The following C12orf56 variants were observed in gnomAD, a reference collection of about 807,000 sequenced individuals.
The protein encoded by C12orf56 is uncharacterized protein C12orf56.
C12orf56 carries 71 observed loss-of-function variants against 69.9 expected under a neutral mutation model. The observed-to-expected ratio is 1.02, with a 90% CI of 0.84 to 1.24. The LOEUF is 1.24. C12orf56 is among the 50% of genes most tolerant of loss of function. C12orf56 has a pLI of 0.00. For missense variants in C12orf56, 732 were observed against 738.5 expected (o/e 0.99, Z 0.10); for synonymous variants, 276 against 274.1 (o/e 1.01, Z -0.07).
intron 3 of C12orf56, among the ~76,000 whole-genome samples, chr12:64,329,094 T>C (rs1565758917): frequency 6.6e-6 from 1 of 152,032 alleles, no homozygotes; most frequent in Admixed American, 6.6e-5. Context: ...CTTTTTCTCC[T>C]TTTTAAATTT....
chr12:64,315,747 C>T (rs915639432), intron 4 of C12orf56, among the ~76,000 whole-genome samples: 3 of 152,140 alleles, frequency 2.0e-5, no homozygotes, highest in African/African-American at 7.2e-5. Flanking sequence ...GCCTGGCCAA[C>T]ATGGCGAAAC....
At chr12:64,301,121 G>A (rs2038439833) in intron 6 of C12orf56, among the ~76,000 whole-genome samples, 1 of 152,098 alleles carries the variant, frequency 6.6e-6, no homozygotes, top group Non-Finnish European at 1.5e-5. Flanking sequence ...CAGCCATGTG[G>A]AACTGTAAGT....
At chr12:64,387,019 A>G (rs1034822535) in intron 1 of C12orf56, among the ~76,000 whole-genome samples, 8 of 136,252 alleles carry the variant, frequency 5.9e-5, no homozygotes, top group Admixed American at 4.3e-4. Context: ...GCAGAGGTTC[A>G]GCAAGCCAAG....
At chr12:64,388,150 C>A (rs1256872337) in intron 1 of C12orf56, among the ~76,000 whole-genome samples, 1 of 152,088 alleles carries the variant, frequency 6.6e-6, no homozygotes, top group African/African-American at 2.4e-5. Context: ...TTGGCCCAGG[C>A]TGGTCTCGAA....
intron 5 of C12orf56, among the ~76,000 whole-genome samples, chr12:64,309,208 AC>A (rs1285231877): frequency 6.6e-6 from 1 of 152,212 alleles, no homozygotes; most frequent in Non-Finnish European, 1.5e-5. Flanking sequence ...ACAATGTTCT[AC>A]AAGTATCACC....
Position 64,390,599 on chromosome 12 carries a change from C to A in C12orf56, c.-34G>T. The A allele has an allele frequency of 6.8e-7, 1 of 1,474,392 alleles. No individual in the cohort carries two copies. The allele number at this position is 1,474,392 out of a possible 1,614,324, so 91.3% of individuals were successfully genotyped here. On this transcript the variant is annotated 5_prime_UTR_variant, in exon 1 of 13. Coordinates refer to ENST00000543942, the MANE Select transcript of C12orf56 (RefSeq NM_001170633.2). The stretch of plus-strand genomic sequence containing the variant: ...CCCGCAGCGTGGCGGAGTGCTGGGA[C>A]TCGAGGCCCTCAGCTCGCCCTCTCC...
chr12:64,326,256 A>G (rs1234009959), intron 3 of C12orf56, among the ~76,000 whole-genome samples: 1 of 152,148 alleles, frequency 6.6e-6, no homozygotes, highest in Non-Finnish European at 1.5e-5. Flanking sequence ...TAATGGTTTC[A>G]TGGGGAGATA....
chr12:64,275,383 C>G lies in C12orf56; in HGVS notation c.1435-11G>C. On this transcript the variant is annotated splice_polypyrimidine_tract_variant and intron_variant, in intron 9 of 12. Coordinates refer to ENST00000543942, the MANE Select transcript of C12orf56 (RefSeq NM_001170633.2). ...AATAAGCTTCTGTAACTAGAATTTTCAAGAATAATCAATGCAATGTCATAA... is the reference window on the plus strand; with the variant it reads ...AATAAGCTTCTGTAACTAGAATTTTGAAGAATAATCAATGCAATGTCATAA... The G allele has an allele frequency of 1.6e-6, 2 of 1,252,786 alleles. No individual in the cohort carries two copies. Among genetic ancestry groups the G allele is most frequent in the Middle Eastern group, 1.9e-4 (1 of 5,148 alleles). 77.6% of individuals were successfully genotyped at this position (1,252,786 alleles called of 1,614,324 possible).
intron 2 of C12orf56, among the ~76,000 whole-genome samples, chr12:64,350,495 C>T (rs1013413477): frequency 1.3e-5 from 2 of 152,218 alleles, no homozygotes; most frequent in African/African-American, 4.8e-5. Context: ...GAAGAGTATG[C>T]TTCCCTTTAA....
intron 1 of C12orf56, among the ~76,000 whole-genome samples, chr12:64,375,189 C>T (rs946976656): frequency 1.3e-5 from 2 of 152,064 alleles, no homozygotes; most frequent in Non-Finnish European, 2.9e-5. Context: ...TCCTGAGTAG[C>T]TGGCAGTACA....
intron 1 of C12orf56, among the ~76,000 whole-genome samples, chr12:64,360,604 A>T (rs950379683): frequency 2.0e-5 from 3 of 152,210 alleles, no homozygotes; most frequent in Non-Finnish European, 4.4e-5. Flanking sequence ...AAATAAGCTC[A>T]AAGTACGGTG....
chr12:64,325,000 ACAAC>A (rs2038819620), intron 3 of C12orf56, among the ~76,000 whole-genome samples: 1 of 152,166 alleles, frequency 6.6e-6, no homozygotes, highest in Non-Finnish European at 1.5e-5. Flanking sequence ...CCAAAAACAG[ACAAC>A]TGAACACTGT....
At chr12:64,310,054 G>C (rs1450289919) in intron 5 of C12orf56, among the ~76,000 whole-genome samples, 4 of 148,830 alleles carry the variant, frequency 2.7e-5, no homozygotes, top group Non-Finnish European at 5.9e-5. Flanking sequence ...GTCTCTCTCT[G>C]TCACTCAGGC....
At chr12:64,280,039 G>C (rs1468921405) in intron 8 of C12orf56, among the ~76,000 whole-genome samples, 1 of 152,016 alleles carries the variant, frequency 6.6e-6, no homozygotes, top group African/African-American at 2.4e-5. Context: ...ACAATACTAG[G>C]ATATGAAAAA....
intron 12 of C12orf56, 154 bp from the exon 13 acceptor site, chr12:64,267,442 C>T: frequency 3.2e-6 from 2 of 632,154 alleles, no homozygotes; most frequent in Non-Finnish European, 5.5e-6. Flanking sequence ...TCCAATCTCC[C>T]CCATTTGTGA....
chr12:64,325,050 C>T (rs1016737082), intron 3 of C12orf56, among the ~76,000 whole-genome samples: 2 of 152,066 alleles, frequency 1.3e-5, no homozygotes, highest in Non-Finnish European at 1.5e-5. Flanking sequence ...TGGAGTAGAG[C>T]CTAGGAGTCT....
rs558452755 is a variant in C12orf56, at chr12:64,354,720, G to C, written c.253-1664C>G. Among the ~76,000 whole-genome samples, 16 of 147,868 alleles carry C rather than the reference G, an allele frequency of 1.1e-4. No homozygotes were observed. In the East Asian group the frequency reaches 3.3e-3, roughly 30 times the overall value. ...GACCTCAGGTGATCCATCCGCCTCA[G>C]CCTCCCAAAGTGCTGGGATTACAGG... is the stretch of plus-strand genomic sequence containing the variant. On this transcript the variant is annotated intron_variant, in intron 1 of 12. Transcript: ENST00000543942.
At chr12:64,372,402 C>T (rs1234101641) in intron 1 of C12orf56, among the ~76,000 whole-genome samples, 2 of 152,166 alleles carry the variant, frequency 1.3e-5, no homozygotes, top group Non-Finnish European at 2.9e-5. Context: ...TATTCCATGG[C>T]AATATTTTAT....
At chr12:64,276,881 C>G (rs554463715) in intron 9 of C12orf56, among the ~76,000 whole-genome samples, 7 of 150,674 alleles carry the variant, frequency 4.6e-5, no homozygotes, top group Non-Finnish European at 8.9e-5. Flanking sequence ...GTAGTCCTAG[C>G]TACTCAGGAG....
Sources: allele counts gnomAD v4.1 joint callset (sites outside exome capture counted in the v4.1 genomes callset), GRCh38; gene constraint gnomAD v4.1.1; transcripts MANE v1.5; gene names NCBI Gene and HGNC (gene_info 2026-07-23, HGNC 2026-07-21).